Variants in ANTXR1 observed in about 807,000 individuals in gnomAD.
ANTXR1 encodes ANTXR cell adhesion molecule 1.
In ANTXR1, 19 loss-of-function variants were observed where a neutral mutation model predicts 78.1. The observed-to-expected ratio is 0.24, with a 90% CI of 0.17 to 0.36. The LOEUF (loss-of-function observed/expected upper bound fraction) is 0.36, where lower values mean the gene tolerates loss of function less well. Among genes scored for constraint, ANTXR1 ranks in the 10% least tolerant of loss-of-function variants. The probability of loss-of-function intolerance (pLI) is 1.00; values close to 1 mark genes in which losing one functional copy is unlikely to be tolerated. For missense variants in ANTXR1, 518 were observed against 718.6 expected (o/e 0.72, Z 3.19); for synonymous variants, 273 against 260.5 (o/e 1.05, Z -0.46).
At chr2:69,190,625 G>C (rs1327292970) in intron 16 of ANTXR1, among the ~76,000 whole-genome samples, 1 of 152,130 alleles carries the variant, frequency 6.6e-6, no homozygotes, top group South Asian at 2.1e-4. Flanking sequence ...GAAAAGTAAG[G>C]CTTAGGGAGA....
intron 12 of ANTXR1, among the ~76,000 whole-genome samples, chr2:69,147,648 T>C (rs1673265553): frequency 6.6e-6 from 1 of 152,250 alleles, no homozygotes; most frequent in African/African-American, 2.4e-5. Flanking sequence ...TCTGAAGTTA[T>C]AGTGTAATGG....
intron 16 of ANTXR1, among the ~76,000 whole-genome samples, chr2:69,191,495 G>A (rs977639892): frequency 3.9e-5 from 6 of 152,258 alleles, no homozygotes; most frequent in African/African-American, 1.4e-4. Context: ...ATTTTCAAAC[G>A]TTCCTAAGGC....
At chr2:69,156,908 G>A (rs1187308737) in intron 13 of ANTXR1, among the ~76,000 whole-genome samples, 1 of 152,158 alleles carries the variant, frequency 6.6e-6, no homozygotes, top group Non-Finnish European at 1.5e-5. Flanking sequence ...AGATTTGCGT[G>A]GGAACACGGA....
rs749496469 is a variant in ANTXR1, at chr2:69,075,633, G to C, written c.536G>C (p.Gly179Ala). The C allele has an allele frequency of 3.4e-5, 55 of 1,613,952 alleles. No homozygotes were observed. The highest frequency in any genetic ancestry group is 5.3e-5 in the African/African-American group (4 of 74,898). ...RDLGAIVYCV[G>A]VKDFNETQLA... ...CTTGGTGCAATTGTTTACTGTGTTG[G>C]TGTGAAAGATTTCAATGAGACACAG... is the stretch of plus-strand genomic sequence containing the variant. Residue 179 changes from glycine (G) to alanine (A), a missense_variant, in exon 7 of 18, where the codon GGT becomes GCT. This residue lies in a region of ANTXR1 where 264 missense variants were observed against 391.8 expected (regional missense o/e 0.67). Coordinates refer to ENST00000303714, the MANE Select transcript of ANTXR1 (RefSeq NM_032208.3).
chr2:69,217,937 G>T (rs1379146250), intron 17 of ANTXR1, among the ~76,000 whole-genome samples: 1 of 152,202 alleles, frequency 6.6e-6, no homozygotes, highest in Non-Finnish European at 1.5e-5. Context: ...GGCCCTACTG[G>T]ACTGGCCCCA....
intron 17 of ANTXR1, among the ~76,000 whole-genome samples, chr2:69,244,555 G>T (rs538286241): frequency 3.3e-5 from 5 of 152,272 alleles, no homozygotes; most frequent in Non-Finnish European, 7.3e-5. Context: ...TTCATTACCG[G>T]GAACAAGTGT....
chr2:69,152,612 C>A (rs1015249655), intron 13 of ANTXR1, among the ~76,000 whole-genome samples: 14 of 152,166 alleles, frequency 9.2e-5, no homozygotes, highest in African/African-American at 3.4e-4. Context: ...ACGGTACACA[C>A]ACATACACAC....
At chr2:69,228,670 G>T (rs115997754) in intron 17 of ANTXR1, among the ~76,000 whole-genome samples, 1,761 of 152,234 alleles carry the variant, frequency 0.012, 23 homozygotes, top group African/African-American at 0.036. Flanking sequence ...CTCAGTGAGT[G>T]GCATTTGGGA....
At chr2:69,033,042 C>A (rs936881614) in intron 1 of ANTXR1, among the ~76,000 whole-genome samples, 2 of 152,128 alleles carry the variant, frequency 1.3e-5, no homozygotes, top group African/African-American at 4.8e-5. Context: ...AAATTCCATT[C>A]TGCAGCTTAA....
At chr2:69,155,378 G>A (rs969901731) in intron 13 of ANTXR1, among the ~76,000 whole-genome samples, 1 of 152,062 alleles carries the variant, frequency 6.6e-6, no homozygotes, top group African/African-American at 2.4e-5. Flanking sequence ...TGCACACTGG[G>A]CTTATTCGCA....
chr2:69,019,634 A>G (rs1266697172), intron 1 of ANTXR1, among the ~76,000 whole-genome samples: 1 of 152,170 alleles, frequency 6.6e-6, no homozygotes, highest in Non-Finnish European at 1.5e-5. Context: ...GAAATTACAT[A>G]AGAATGTGTC....
intron 3 of ANTXR1, among the ~76,000 whole-genome samples, chr2:69,052,810 G>A (rs751361759): frequency 3.9e-5 from 6 of 152,044 alleles, no homozygotes; most frequent in African/African-American, 9.7e-5. Context: ...CTGAGAGAAT[G>A]TTTCATTCAG....
chr2:69,087,131 A>G (rs1026244471), intron 8 of ANTXR1, among the ~76,000 whole-genome samples: 2 of 152,306 alleles, frequency 1.3e-5, no homozygotes, highest in Middle Eastern at 3.4e-3. Flanking sequence ...CCGAGTCCAC[A>G]TGGCCAGTAA....
chr2:69,128,636 C>T (rs1487188508), intron 12 of ANTXR1, among the ~76,000 whole-genome samples: 1 of 152,130 alleles, frequency 6.6e-6, no homozygotes, highest in African/African-American at 2.4e-5. Flanking sequence ...CCAACCAGGT[C>T]CTACACAGCA....
chr2:69,221,977 C>T (rs529471205), intron 17 of ANTXR1, among the ~76,000 whole-genome samples: 5 of 152,270 alleles, frequency 3.3e-5, no homozygotes, highest in African/African-American at 1.2e-4. Flanking sequence ...GACTCCTTAG[C>T]GGGTTTCGGA....
At chr2:69,127,743 T>C (rs1374614080) in intron 12 of ANTXR1, among the ~76,000 whole-genome samples, 1 of 152,028 alleles carries the variant, frequency 6.6e-6, no homozygotes, top group African/African-American at 2.4e-5. Flanking sequence ...TTCCAAAGCA[T>C]TGAATATAGG....
chr2:69,128,366 G>A (rs1672616829), intron 12 of ANTXR1, among the ~76,000 whole-genome samples: 1 of 152,208 alleles, frequency 6.6e-6, no homozygotes, highest in African/African-American at 2.4e-5. Context: ...AGACCTAGCA[G>A]GTAGTAAGTG....
chr2:69,110,568 T>C (rs1671944757), intron 10 of ANTXR1, among the ~76,000 whole-genome samples: 1 of 152,012 alleles, frequency 6.6e-6, no homozygotes, highest in Non-Finnish European at 1.5e-5. Flanking sequence ...ATAAATAAGT[T>C]ACAAAACAGG....
intron 12 of ANTXR1, among the ~76,000 whole-genome samples, chr2:69,126,305 T>C (rs1173145236): frequency 6.6e-6 from 1 of 152,132 alleles, no homozygotes; most frequent in Non-Finnish European, 1.5e-5. Flanking sequence ...AGCAAGAAAC[T>C]AGGATTGTGT....
Sources: allele counts gnomAD v4.1 joint callset (sites outside exome capture counted in the v4.1 genomes callset), GRCh38; gene constraint gnomAD v4.1.1; regional missense constraint gnomAD v4.1.1; transcripts MANE v1.5; gene names NCBI Gene and HGNC (gene_info 2026-07-23, HGNC 2026-07-21).